The following NTM variants were observed in gnomAD, a reference collection of about 807,000 sequenced individuals.
NTM encodes the protein neurotrimin, also known as IgLON family member 2.
Under a neutral mutation model 42.1 loss-of-function variants are expected in NTM, and 13 were observed. The ratio of observed to expected loss-of-function variants is 0.31; its 90% CI spans 0.20 to 0.49. The LOEUF is 0.49. NTM is among the 20% of genes least tolerant of loss of function. NTM has a pLI of 0.99. For missense variants in NTM, 373 were observed against 452.8 expected (o/e 0.82, Z 1.60); for synonymous variants, 187 against 179.2 (o/e 1.04, Z -0.35).
chr11:131,616,122 T>A (rs1260533573), intron 1 of NTM, among the ~76,000 whole-genome samples: 1 of 152,204 alleles, frequency 6.6e-6, no homozygotes, highest in Admixed American at 6.5e-5. Context: ...ATGGACTCTT[T>A]CATCAAGAGG....
At chr11:132,246,742 G>C (rs564708226) in intron 4 of NTM, among the ~76,000 whole-genome samples, 3 of 152,286 alleles carry the variant, frequency 2.0e-5, no homozygotes, top group Admixed American at 2.0e-4. Context: ...GTTATAGCTC[G>C]GGAAGGCATC....
At chr11:132,260,803 A>G (rs1227722668) in intron 4 of NTM, among the ~76,000 whole-genome samples, 4 of 152,182 alleles carry the variant, frequency 2.6e-5, no homozygotes, top group African/African-American at 9.7e-5. Context: ...TTGGCAGTAG[A>G]ACACCACGGA....
intron 1 of NTM, among the ~76,000 whole-genome samples, chr11:131,635,904 C>A (rs2064306695): frequency 6.6e-6 from 1 of 152,198 alleles, no homozygotes; most frequent in Non-Finnish European, 1.5e-5. Flanking sequence ...TATTTAGATA[C>A]ATGAATATTT....
chr11:132,274,404 T>C (rs1427583681), intron 4 of NTM, among the ~76,000 whole-genome samples: 2 of 152,018 alleles, frequency 1.3e-5, no homozygotes, highest in East Asian at 3.9e-4. Flanking sequence ...AAGTTTTTGG[T>C]TTTTGTTATT....
At chr11:132,307,659 T>A in intron 4 of NTM, 30 bp from the exon 5 acceptor site, 2 of 1,612,246 alleles carry the variant, frequency 1.2e-6, no homozygotes, top group Non-Finnish European at 1.7e-6. Flanking sequence ...TTTCCTTGTA[T>A]TTCACCACAC....
intron 1 of NTM, among the ~76,000 whole-genome samples, chr11:131,609,205 G>T (rs1339443137): frequency 6.6e-6 from 1 of 152,202 alleles, no homozygotes; most frequent in South Asian, 2.1e-4. Context: ...GACTGCCAGG[G>T]TTCCTTTCCC....
intron 1 of NTM, among the ~76,000 whole-genome samples, chr11:131,497,087 C>G (rs1247970882): frequency 6.6e-6 from 1 of 152,202 alleles, no homozygotes; most frequent in Non-Finnish European, 1.5e-5. Flanking sequence ...TCTATGTGAT[C>G]TTCTGTCCAC....
intron 2 of NTM, chr11:131,921,994 A>C (rs2057292429): frequency 6.6e-6 from 1 of 152,592 alleles, no homozygotes; most frequent in Admixed American, 6.5e-5. Context: ...CTCTGGACTT[A>C]ATGATCTGTC....
Position 131,370,761 on chromosome 11 carries a change from A to C in NTM, c.-46A>C. On this transcript the variant is annotated 5_prime_UTR_variant, in exon 1 of 9. Coordinates refer to ENST00000683400, the MANE Select transcript of NTM (RefSeq NM_001352005.2). ...TCTATCAGGAAAGAAAGAAAGAAAA[A>C]AACCGAACCTGACAAAAAAGAAGAA... is the stretch of plus-strand genomic sequence containing the variant. 1 of 1,541,122 alleles carries C rather than the reference A, an allele frequency of 6.5e-7. No homozygotes were observed. The highest frequency in any genetic ancestry group is 8.9e-7 in the Non-Finnish European group (1 of 1,121,856).
At chr11:131,745,954 C>T (rs77020205) in intron 1 of NTM, among the ~76,000 whole-genome samples, 7,331 of 152,190 alleles carry the variant, frequency 0.048, 590 homozygotes, top group African/African-American at 0.17. Flanking sequence ...CATTCTCCAG[C>T]CTGTGTCCCT....
At chr11:131,858,860 TC>T in intron 1 of NTM, among the ~76,000 whole-genome samples, 1 of 142,446 alleles carries the variant, frequency 7.0e-6, no homozygotes, top group African/African-American at 3.1e-5. Context: ...AAACTTCTGC[TC>T]ACCAAATAGT....
chr11:132,178,371 T>G (rs1372545015), intron 3 of NTM, among the ~76,000 whole-genome samples: 1 of 152,206 alleles, frequency 6.6e-6, no homozygotes, highest in East Asian at 1.9e-4. Flanking sequence ...TAAACATAAT[T>G]CCCACTTTGC....
intron 3 of NTM, among the ~76,000 whole-genome samples, chr11:132,166,293 C>A (rs1417515134): frequency 6.6e-6 from 1 of 152,114 alleles, no homozygotes; most frequent in Non-Finnish European, 1.5e-5. Flanking sequence ...ACCCGCCTTG[C>A]CCACCTCATG....
At chr11:131,542,360 G>T (rs2053386969) in intron 1 of NTM, among the ~76,000 whole-genome samples, 1 of 152,198 alleles carries the variant, frequency 6.6e-6, no homozygotes, top group South Asian at 2.1e-4. Flanking sequence ...CATGTCTTCA[G>T]AACTGCACTG....
At chr11:132,084,655 A>G (rs539452362) in intron 2 of NTM, among the ~76,000 whole-genome samples, 146 of 152,366 alleles carry the variant, frequency 9.6e-4, no homozygotes, top group African/African-American at 3.4e-3. Context: ...CCAAAGTGAT[A>G]ACTTGAAAAT....
intron 2 of NTM, among the ~76,000 whole-genome samples, chr11:132,096,301 G>C (rs1591485596): frequency 6.6e-6 from 1 of 152,176 alleles, no homozygotes; most frequent in African/African-American, 2.4e-5. Flanking sequence ...AAATGTCAGG[G>C]AAAGATTTAT....
At chr11:131,906,523 G>A (rs1170940670) in intron 1 of NTM, among the ~76,000 whole-genome samples, 1 of 152,036 alleles carries the variant, frequency 6.6e-6, no homozygotes, top group Non-Finnish European at 1.5e-5. Context: ...CGAGTCCAGG[G>A]TCTTATTATG....
Position 132,325,715 on chromosome 11 carries a change from C to G in NTM, c.935-4438C>G, listed in dbSNP as rs2095664875. The stretch of plus-strand genomic sequence containing the variant: ...TCATGCTGCTATAAAGACACACGCA[C>G]ACATATGTTTATTGTGGCACTATTC... On this transcript the variant is annotated intron_variant, in intron 7 of 8. Transcript: ENST00000683400. 2.0e-5 allele frequency among the ~76,000 whole-genome samples: 3 copies of G among 152,298 alleles called. No individual in the cohort carries two copies. The South Asian group carries it at 6.2e-4, about 32-fold the overall frequency.
At chr11:132,012,715 T>C (rs770323810) in intron 2 of NTM, among the ~76,000 whole-genome samples, 3 of 152,296 alleles carry the variant, frequency 2.0e-5, no homozygotes, top group Non-Finnish European at 2.9e-5. Context: ...AAAAAGAGAA[T>C]CTAAAAAGGT....
Sources: allele counts gnomAD v4.1 joint callset (sites outside exome capture counted in the v4.1 genomes callset), GRCh38; gene constraint gnomAD v4.1.1; transcripts MANE v1.5; gene names NCBI Gene and HGNC (gene_info 2026-07-23, HGNC 2026-07-21).